POLD1: variants seen among roughly 807,000 people sequenced by gnomAD.
POLD1 encodes DNA polymerase delta 1, catalytic subunit.
Under a neutral mutation model 129.7 loss-of-function variants are expected in POLD1, and 79 were observed. The observed-to-expected ratio is 0.61, with a 90% CI of 0.51 to 0.73. POLD1 has a LOEUF of 0.73. Ranked by LOEUF, POLD1 falls within the 30% of genes least tolerant of loss-of-function variation. POLD1 has a pLI of 0.00. For missense variants in POLD1, 1,338 were observed against 1,595.8 expected (o/e 0.84, Z 2.75); for synonymous variants, 714 against 683.3 (o/e 1.04, Z -0.70).
chr19:50,388,425 A>G (rs2038040076), intron 1 of POLD1, among the ~76,000 whole-genome samples: 1 of 152,250 alleles, frequency 6.6e-6, no homozygotes, highest in African/African-American at 2.4e-5. Context: ...CATTAAAAGC[A>G]AATAGATTTA....
At chr19:50,413,090 C>G (rs1223265896) in intron 17 of POLD1, among the ~76,000 whole-genome samples, 1 of 151,936 alleles carries the variant, frequency 6.6e-6, no homozygotes, top group Non-Finnish European at 1.5e-5. Flanking sequence ...TGGTCCTGTA[C>G]CATAGAGAGC....
intron 20 of POLD1, 33 bp downstream of exon 20, chr19:50,415,023 GC>G (rs750485930): frequency 6.8e-7 from 1 of 1,479,000 alleles, no homozygotes; most frequent in South Asian, 1.3e-5. Flanking sequence ...GACTCAGGGG[GC>G]TGGGCCCCAA....
chr19:50,398,765 T>C, intron 1 of POLD1, 86 bp from the exon 2 acceptor site: 3 of 1,534,762 alleles, frequency 2.0e-6, no homozygotes, highest in Non-Finnish European at 2.6e-6. Flanking sequence ...AGGCTCGTGG[T>C]CATGGTGGGT....
At chr19:50,414,034 C>T (rs371241777) in intron 19 of POLD1, among the ~76,000 whole-genome samples, 155 bp downstream of exon 19, 1 of 152,232 alleles carries the variant, frequency 6.6e-6, no homozygotes, top group African/African-American at 2.4e-5. Context: ...CCTCCAAGGC[C>T]TTGGGCTTTG....
At position 50,403,236 on chromosome 19, in the gene POLD1, G is replaced by A. The variant is rs1268050885; in HGVS notation, c.1137+17G>A. The stretch of plus-strand genomic sequence containing the variant: ...CTGCTGCAGGTAGCTCTCGCTCCAC[G>A]CCCCACACCATTTCCCGGGGTCCCC... On this transcript the variant is annotated intron_variant, in intron 9 of 26. Coordinates refer to ENST00000440232, the MANE Select transcript of POLD1 (RefSeq NM_002691.4). The A allele has an allele frequency of 7.2e-6, 11 of 1,531,576 alleles. No individual in the cohort carries two copies. The highest frequency in any genetic ancestry group is 2.4e-5 in the East Asian group (1 of 41,082). The allele number at this position is 1,531,576 out of a possible 1,614,324, so 94.9% of individuals were successfully genotyped here.
chr19:50,407,150 G>A lies in POLD1; in HGVS notation c.1662G>A (p.Lys554=), dbSNP rs1132244. The A allele has an allele frequency of 1.2e-6, 2 of 1,609,740 alleles. No individual in the cohort carries two copies. Among genetic ancestry groups the A allele is most frequent in the Non-Finnish European group, 1.7e-6 (2 of 1,177,210 alleles). The change falls in exon 13 of 27, where the codon AAG becomes AAA. Residue 554 remains lysine, a synonymous_variant. Transcript: ENST00000440232. Reference sequence around the variant, plus strand: ...TGCTCAGTCGTGGCCAGCAGGTCAAGGTCGTATCCCAGCTGTTGCGGCAGG... The same window carrying A: ...TGCTCAGTCGTGGCCAGCAGGTCAAAGTCGTATCCCAGCTGTTGCGGCAGG... The part of the protein sequence containing the change: ...SYLLSRGQQV[K]VVSQLLRQAM...
At position 50,401,920 on chromosome 19, in the gene POLD1, C is replaced by T. The variant is rs2122235133; in HGVS notation, c.459C>T (p.Pro153=). The change falls in exon 4 of 27, where the codon CCC becomes CCT. Residue 153 remains proline, a synonymous_variant. Transcript: ENST00000440232. ...CTCCCTACTTCTACACCCCAGCGCCCCCTGGTGAGTGGCCCCTACCCAGCC... is the reference window on the plus strand; with the variant it reads ...CTCCCTACTTCTACACCCCAGCGCCTCCTGGTGAGTGGCCCCTACCCAGCC... ...GFAPYFYTPA[P]PGFGPEHMGD... 6.2e-7 allele frequency: 1 copy of T among 1,614,100 alleles called. No homozygotes were observed. The highest frequency in any genetic ancestry group is 8.5e-7 in the Non-Finnish European group (1 of 1,179,984).
chr19:50,407,226 C>T, intron 13 of POLD1, 52 bp downstream of exon 13: 3 of 1,556,956 alleles, frequency 1.9e-6, no homozygotes, highest in Non-Finnish European at 2.6e-6. Flanking sequence ...CGTCTGTGGC[C>T]CCCTCCAGGC....
chr19:50,406,933 C>T lies in POLD1; in HGVS notation c.1495-50C>T, dbSNP rs556567560. 4 of 1,352,566 alleles carry T rather than the reference C, an allele frequency of 3.0e-6. No homozygotes were observed. The highest frequency in any genetic ancestry group is 2.0e-5 in the Admixed American group (1 of 50,394). 83.8% of individuals were successfully genotyped at this position (1,352,566 alleles called of 1,614,324 possible). ...ACCCCCACTTCCTTCTCCTGCTCCA[C>T]CTCCCACCCCCAACCCCTGGTCCCT... On this transcript the variant is annotated intron_variant, in intron 12 of 26. Coordinates refer to ENST00000440232, the MANE Select transcript of POLD1 (RefSeq NM_002691.4). This position sits in a 1 kb window ranked among gnomAD's most constrained non-coding sequence, Gnocchi z 5.5.
At chr19:50,403,458 A>G (rs770190070) in intron 9 of POLD1, 35 bp from the exon 10 acceptor site, 2 of 1,489,670 alleles carry the variant, frequency 1.3e-6, no homozygotes, top group Non-Finnish European at 1.9e-6. Flanking sequence ...AGGCAGGGCA[A>G]CCACCAGGGT....
At position 50,401,788 on chromosome 19, in the gene POLD1, G is replaced by A. The variant is rs750260438; in HGVS notation, c.327G>A (p.Gln109=). ...LEIDHYVGPA[Q]PVPGGPPPSR... ...CCTGTGACCCCACAGGCCCAGCGCA[G>A]CCTGTGCCTGGGGGGCCCCCACCAT... The change falls in exon 4 of 27, where the codon CAG becomes CAA. Residue 109 remains glutamine (Q), a synonymous_variant. Transcript: ENST00000440232. 4 of 1,612,550 alleles carry A rather than the reference G, an allele frequency of 2.5e-6. No homozygotes were observed. The highest frequency in any genetic ancestry group is 3.4e-6 in the Non-Finnish European group (4 of 1,179,820).
intron 1 of POLD1, among the ~76,000 whole-genome samples, chr19:50,395,765 C>G (rs1326630880): frequency 1.3e-5 from 2 of 151,812 alleles, no homozygotes; most frequent in Non-Finnish European, 2.9e-5. Context: ...CCGTTTACTC[C>G]TAAATACTTG....
At chr19:50,392,234 G>GTAATTTTTAATTTTTTGTAGAGATTGAC (rs1420674426) in intron 1 of POLD1, among the ~76,000 whole-genome samples, 1 of 151,894 alleles carries the variant, frequency 6.6e-6, no homozygotes, top group African/African-American at 2.4e-5. Context: ...CCATGCTTAA[G>GTAATTTTTAATTTTTTGTAGAGATTGAC]TAATTTTTAA....
Position 50,402,705 on chromosome 19 carries a change from G to T in POLD1, c.934G>T (p.Val312Leu), listed in dbSNP as rs371612922. 1.3e-6 allele frequency: 2 copies of T among 1,598,926 alleles called. No homozygotes were observed. Among genetic ancestry groups the T allele is most frequent in the African/African-American group, 2.7e-5 (2 of 74,626 alleles). ...ATGGCAGCGCATTGCGCCCTTGCGC[G>T]TGCTCAGCTTCGATATCGAGTGCGC... ...GPWQRIAPLR[V>L]LSFDIECAGR... Residue 312 changes from valine (V) to leucine (L), a missense_variant, in exon 8 of 27, where the codon GTG becomes TTG. Around this residue, in one of 3 missense-constraint regions of POLD1, gnomAD observed 720 missense variants for 1,002.6 expected, o/e 0.72. Coordinates refer to ENST00000440232, the MANE Select transcript of POLD1 (RefSeq NM_002691.4).
At position 50,413,445 on chromosome 19, in the gene POLD1, G is replaced by C; in HGVS notation, c.2174G>C (p.Arg725Pro). ...CGACAGAGCGTCACGGGGTTCGGAC[G>C]TCAGATGATCGAGAAAACCAAGCAG... ...EISQSVTGFG[R>P]QMIEKTKQLV... Residue 725 changes from arginine (R) to proline (P), a missense_variant, in exon 18 of 27, where the codon CGT becomes CCT. Arg to Pro is a moderately radical substitution (Grantham distance 103, BLOSUM62 -2). Coordinates refer to ENST00000440232, the MANE Select transcript of POLD1 (RefSeq NM_002691.4). The C allele has an allele frequency of 1.2e-6, 2 of 1,613,228 alleles. No homozygotes were observed. The highest frequency in any genetic ancestry group is 1.7e-6 in the Non-Finnish European group (2 of 1,179,544).
chr19:50,401,632 C>A (rs2038632962), intron 3 of POLD1, 146 bp from the exon 4 acceptor site: 8 of 834,952 alleles, frequency 9.6e-6, no homozygotes, highest in Non-Finnish European at 1.5e-5. Flanking sequence ...AGATGGGAAC[C>A]AGGGGGGAGG....
chr19:50,408,664 C>T (rs772278397), intron 14 of POLD1, 121 bp from the exon 15 acceptor site: 29 of 1,439,674 alleles, frequency 2.0e-5, no homozygotes, highest in Middle Eastern at 4.2e-4. Flanking sequence ...ATTGCAGGAG[C>T]GAGCACTGCT....
chr19:50,397,862 G>A (rs1445303059), intron 1 of POLD1, among the ~76,000 whole-genome samples: 1 of 152,172 alleles, frequency 6.6e-6, no homozygotes, highest in African/African-American at 2.4e-5. Context: ...GGAGAAATTG[G>A]GAAAGGTGCC....
At position 50,406,522 on chromosome 19, in the gene POLD1, C is replaced by T. The variant is rs565428379; in HGVS notation, c.1494+5C>T. 1.4e-4 allele frequency: 220 copies of T among 1,561,070 alleles called. 1 individual carries two copies. The South Asian group carries it at 2.4e-3, about 17-fold the overall frequency. ...AGCATCATCACCGACCTGCAGGTGC[C>T]TGCTGCCTCCCTGACCTCTCACCCC... On this transcript the variant is annotated splice_donor_5th_base_variant and intron_variant, in intron 12 of 26. Coordinates refer to ENST00000440232, the MANE Select transcript of POLD1 (RefSeq NM_002691.4). The surrounding 1 kb of genome is among the most constrained non-coding windows in gnomAD (Gnocchi z 5.5).
Sources: gnomAD v4.1 joint callset for allele counts (sites outside exome capture counted in the v4.1 genomes callset) on GRCh38, gnomAD v4.1.1 for gene constraint, gnomAD v4.1.1 regional missense constraint, Gnocchi (gnomAD v3.1) non-coding constraint, MANE v1.5 for transcripts, NCBI Gene and HGNC (gene_info 2026-07-23, HGNC 2026-07-21) for gene names.